Variants in PRKG1 observed in about 807,000 individuals in gnomAD.
The protein encoded by PRKG1 is cGMP-dependent protein kinase 1.
PRKG1 carries 35 observed loss-of-function variants against 88.1 expected under a neutral mutation model. That is an observed-to-expected ratio of 0.40 (90% CI 0.30 to 0.53). The LOEUF is 0.53. Ranked by LOEUF, PRKG1 falls within the 20% of genes least tolerant of loss-of-function variation. PRKG1 has a pLI of 0.59. For synonymous variants in PRKG1, 303 were observed against 292.5 expected (o/e 1.04, Z -0.37); for missense variants, 540 against 839.8 (o/e 0.64, Z 4.41).
At chr10:51,314,682 A>C (rs895747832) in intron 2 of PRKG1, among the ~76,000 whole-genome samples, 3 of 152,268 alleles carry the variant, frequency 2.0e-5, no homozygotes, top group Non-Finnish European at 2.9e-5. Flanking sequence ...TTCATCATAC[A>C]GGAAGTAAAC....
At chr10:51,104,240 C>A (rs1002015976) in intron 1 of PRKG1, among the ~76,000 whole-genome samples, 1 of 152,156 alleles carries the variant, frequency 6.6e-6, no homozygotes, top group Non-Finnish European at 1.5e-5. Context: ...TCATCCCCCA[C>A]AATTAAAAGT....
chr10:51,650,712 T>C (rs1167282682), intron 3 of PRKG1, among the ~76,000 whole-genome samples: 1 of 152,208 alleles, frequency 6.6e-6, no homozygotes, highest in African/African-American at 2.4e-5. Context: ...AAAATAATAA[T>C]ATCACTAACA....
At chr10:51,473,850 A>G (rs1840120185) in intron 3 of PRKG1, among the ~76,000 whole-genome samples, 1 of 151,842 alleles carries the variant, frequency 6.6e-6, no homozygotes, top group African/African-American at 2.4e-5. Context: ...ACACATGTAA[A>G]GCTTGAGTCA....
At chr10:51,852,320 G>A (rs376966476) in intron 4 of PRKG1, among the ~76,000 whole-genome samples, 6 of 149,842 alleles carry the variant, frequency 4.0e-5, no homozygotes, top group South Asian at 4.2e-4. Context: ...GTGTGTGTGT[G>A]TATATATATA....
chr10:51,704,304 C>T (rs1415963473), intron 3 of PRKG1, among the ~76,000 whole-genome samples: 1 of 151,888 alleles, frequency 6.6e-6, no homozygotes, highest in African/African-American at 2.4e-5. Flanking sequence ...ATCCTCAGCA[C>T]CTGGGATAGA....
At chr10:51,720,836 G>C (rs150276519) in intron 3 of PRKG1, among the ~76,000 whole-genome samples, 334 of 152,290 alleles carry the variant, frequency 2.2e-3, no homozygotes, top group Non-Finnish European at 3.8e-3. Flanking sequence ...TGAGTGGTAT[G>C]TTCCTCGTGG....
In PRKG1 at chr10:51,212,950, C is replaced by T. The variant is rs550295543; in HGVS notation, c.478+59620C>T. ...GAACTAGAAATACCATTTGACCCAGCCATGCCATTACTGGGTATATACCCA... is the reference window on the plus strand; with the variant it reads ...GAACTAGAAATACCATTTGACCCAGTCATGCCATTACTGGGTATATACCCA... On this transcript the variant is annotated intron_variant, in intron 2 of 17. Transcript: ENST00000373980. 2.6e-3 allele frequency among the ~76,000 whole-genome samples: 391 copies of T among 152,236 alleles called. 2 individuals are homozygous for T. Among genetic ancestry groups the T allele is most frequent in the African/African-American group, 8.8e-3 (366 of 41,536 alleles).
At chr10:51,983,179 G>T (rs1844059242) in intron 5 of PRKG1, among the ~76,000 whole-genome samples, 1 of 152,146 alleles carries the variant, frequency 6.6e-6, no homozygotes, top group African/African-American at 2.4e-5. Context: ...GGGCTGGCTG[G>T]CTCTTTCCTG....
chr10:52,296,795 A>G lies in PRKG1; in HGVS notation c.*2895A>G, dbSNP rs1208484711. On this transcript the variant is annotated 3_prime_UTR_variant, in exon 18 of 18. Coordinates refer to ENST00000373980, the MANE Select transcript of PRKG1 (RefSeq NM_006258.4). The stretch of plus-strand genomic sequence containing the variant: ...AATAATTTCTGGAAAAACGCTATAC[A>G]TGCTTTTTATGTTTATATCTTCTTT... 6.6e-6 allele frequency: 1 copy of G among 152,082 alleles called. No homozygotes were observed. The highest frequency in any genetic ancestry group is 1.5e-5 in the Non-Finnish European group (1 of 67,978). The allele number at this position is 152,082 out of a possible 1,614,324, so 9.4% of individuals were successfully genotyped here.
chr10:51,611,432 A>T (rs577080990), intron 3 of PRKG1, among the ~76,000 whole-genome samples: 1 of 152,114 alleles, frequency 6.6e-6, no homozygotes, highest in South Asian at 2.1e-4. Context: ...TCTTTTGAGA[A>T]ATATCTATTC....
chr10:51,841,823 T>A (rs1304336708), intron 4 of PRKG1, among the ~76,000 whole-genome samples: 4 of 152,066 alleles, frequency 2.6e-5, no homozygotes, highest in Admixed American at 6.6e-5. Flanking sequence ...GCTGGGATTA[T>A]AGATGTGCAC....
chr10:51,731,847 T>C (rs1456104680), intron 3 of PRKG1, among the ~76,000 whole-genome samples: 1 of 152,162 alleles, frequency 6.6e-6, no homozygotes. Flanking sequence ...AGAAGTTTAA[T>C]GTCAAGGTGT....
intron 2 of PRKG1, among the ~76,000 whole-genome samples, chr10:51,203,334 G>T (rs992204991): frequency 9.2e-5 from 14 of 152,260 alleles, no homozygotes; most frequent in African/African-American, 3.4e-4. Context: ...ACACATTAAT[G>T]TGTTTTGTTG....
chr10:52,022,889 A>G (rs896912237), intron 5 of PRKG1, among the ~76,000 whole-genome samples: 4 of 152,174 alleles, frequency 2.6e-5, no homozygotes, highest in Non-Finnish European at 4.4e-5. Context: ...TACTATAAAA[A>G]TGCAGAACTT....
rs536537227 is a variant in PRKG1 at position 51,854,885 on chromosome 10, C to T, written c.698+50195C>T. ...ATATATATACTGAGTGAAGGACTTG[C>T]GCCCACCAGCAGCTAAACAGAGTGC... On this transcript the variant is annotated intron_variant, in intron 4 of 17. Coordinates refer to ENST00000373980, the MANE Select transcript of PRKG1 (RefSeq NM_006258.4). 8.5e-5 allele frequency among the ~76,000 whole-genome samples: 13 copies of T among 152,134 alleles called. No individual in the cohort carries two copies. The East Asian group carries it at 1.5e-3, about 18-fold the overall frequency.
At chr10:51,904,927 C>G (rs1186988827) in intron 4 of PRKG1, among the ~76,000 whole-genome samples, 1 of 151,984 alleles carries the variant, frequency 6.6e-6, no homozygotes, top group Admixed American at 6.6e-5. Context: ...TAGGAATAGC[C>G]AGAGCCTAAA....
intron 2 of PRKG1, among the ~76,000 whole-genome samples, chr10:51,338,461 G>A (rs1841929386): frequency 6.6e-6 from 1 of 152,112 alleles, no homozygotes; most frequent in South Asian, 2.1e-4. Context: ...CTAGGGGTTA[G>A]CCACACTGAA....
intron 1 of PRKG1, among the ~76,000 whole-genome samples, chr10:51,106,595 T>C (rs1844840701): frequency 1.3e-5 from 2 of 152,150 alleles, no homozygotes; most frequent in Admixed American, 1.3e-4. Flanking sequence ...TGGCCTTTCT[T>C]CAGCAGCAGA....
intron 3 of PRKG1, among the ~76,000 whole-genome samples, chr10:51,610,405 G>A (rs115291082): frequency 2.0e-5 from 3 of 152,038 alleles, no homozygotes; most frequent in Non-Finnish European, 2.9e-5. Context: ...TTCTGTGCCT[G>A]GCTTATTTCC....
Sources: gnomAD v4.1 joint callset for allele counts (sites outside exome capture counted in the v4.1 genomes callset) on GRCh38, gnomAD v4.1.1 for gene constraint, MANE v1.5 for transcripts, NCBI Gene and HGNC (gene_info 2026-07-23, HGNC 2026-07-21) for gene names.